Variants in ZNF628 observed in about 807,000 individuals in gnomAD.
ZNF628 encodes the protein zinc finger protein 628.
ZNF628 carries 3 observed loss-of-function variants against 2.5 expected under a neutral mutation model. That is an observed-to-expected ratio of 1.19 (90% CI 0.54 to 3.07). The LOEUF is 3.07. Ranked by LOEUF, ZNF628 falls within the 30% of genes most tolerant of loss-of-function variation. The pLI, the probability that ZNF628 is intolerant of heterozygous loss-of-function variation, is 0.03. For synonymous variants in ZNF628, 861 were observed against 717.1 expected (o/e 1.20, Z -3.21); for missense variants, 1,610 against 1,517.1 (o/e 1.06, Z -1.02).
chr19:55,480,010 GA>G, intron 2 of ZNF628, 93 bp downstream of exon 2: 1 of 398,460 alleles, frequency 2.5e-6, no homozygotes, highest in East Asian at 3.6e-5. Flanking sequence ...GGCTTGAAGG[GA>G]AAGTGAGACT....
At position 55,483,504 on chromosome 19, in the gene ZNF628, G is replaced by A. The variant is rs1986810298; in HGVS notation, c.2311G>A (p.Ala771Thr). Residue 771 changes from alanine (A) to threonine (T), a missense_variant, in exon 3 of 3, where the codon GCG (alanine) becomes ACG (threonine). Transcript: ENST00000598519. ...GGCAGTGGGGAAAGCGGGCCAGGGG[G>A]CGGGAGTGGTCTGGCTGCCAGGCCC... ...PRAVGKAGQG[A>T]GVVWLPGPGG... The A allele has an allele frequency of 4.5e-6, 7 of 1,551,922 alleles. No homozygotes were observed. Among genetic ancestry groups the A allele is most frequent in the Non-Finnish European group, 6.1e-6 (7 of 1,149,576 alleles).
chr19:55,481,989 C>G lies in ZNF628; in HGVS notation c.796C>G (p.Pro266Ala), dbSNP rs1460328518. ...GCGGCACCTCCAGCCCCACAGCCCG[C>G]CCGCGCCTCCCGCCCCGCCGCCCCC... ...LQRHLQPHSP[P>A]APPAPPPPPP... is the part of the protein sequence containing the mutation. Residue 266 changes from proline to alanine, a missense_variant, in exon 3 of 3, where the codon CCC (proline) becomes GCC (alanine). Physicochemically the swap from Pro to Ala is conservative, Grantham distance 27. This residue lies in a region of ZNF628 where 651 missense variants were observed against 575.6 expected (regional missense o/e 1.13). Transcript: ENST00000598519. 5 of 1,460,920 alleles carry G rather than the reference C, an allele frequency of 3.4e-6. No individual in the cohort carries two copies. The highest frequency in any genetic ancestry group is 4.5e-6 in the Non-Finnish European group (5 of 1,112,368). 90.5% of individuals were successfully genotyped at this position (1,460,920 alleles called of 1,614,324 possible). A position where few individuals can be genotyped will look rare whatever the true frequency, so the allele number is the denominator to read the frequency against.
chr19:55,481,057 G>T, intron 2 of ZNF628, 144 bp from the exon 3 acceptor site: 2 of 1,114,776 alleles, frequency 1.8e-6, no homozygotes, highest in Non-Finnish European at 2.5e-6. Flanking sequence ...TGGGACCATT[G>T]GAGACCCTCA....
Position 55,482,378 on chromosome 19 carries a change from C to G in ZNF628, c.1185C>G (p.Phe395Leu). Residue 395 changes from phenylalanine (F) to leucine (L), a missense_variant, in exon 3 of 3, where the codon TTC (phenylalanine) becomes TTG (leucine). Physicochemically the swap from Phe to Leu is conservative, Grantham distance 22. Transcript: ENST00000598519. ...GCTGCGGCAGCTGCGACGGCTCCTT[C>G]CCGCAGCTGGCCAGCCTCCTGGCGC... ...AFRCGSCDGS[F>L]PQLASLLAHQ... 7.0e-7 allele frequency: 1 copy of G among 1,426,766 alleles called. No homozygotes were observed. The highest frequency in any genetic ancestry group is 9.1e-7 in the Non-Finnish European group (1 of 1,093,512). 88.4% of individuals were successfully genotyped at this position (1,426,766 alleles called of 1,614,324 possible).
chr19:55,480,700 C>A (rs909142618), intron 2 of ZNF628, among the ~76,000 whole-genome samples: 1 of 152,328 alleles, frequency 6.6e-6, no homozygotes, highest in South Asian at 2.1e-4. Flanking sequence ...GGATTACAGG[C>A]GTGAGCCACA....
intron 2 of ZNF628, among the ~76,000 whole-genome samples, chr19:55,480,776 T>C (rs1599898014): frequency 6.6e-6 from 1 of 151,360 alleles, no homozygotes; most frequent in Non-Finnish European, 1.5e-5. Context: ...GTGGGAGGAG[T>C]GTTGAGGCCG....
At chr19:55,480,788 G>A (rs1329785932) in intron 2 of ZNF628, among the ~76,000 whole-genome samples, 5 of 152,250 alleles carry the variant, frequency 3.3e-5, no homozygotes, top group African/African-American at 1.2e-4. Context: ...TTGAGGCCGA[G>A]ATGGAGGATA....
rs745632371 is a variant in ZNF628 at position 55,481,234 on chromosome 19, C to T, written c.41C>T (p.Pro14Leu). The T allele has an allele frequency of 3.8e-6, 6 of 1,572,896 alleles. No individual in the cohort carries two copies. The Admixed American group carries it at 1.1e-4, about 29-fold the overall frequency. Residue 14 changes from proline (P) to leucine (L), a missense_variant, in exon 3 of 3, where the codon CCG becomes CTG. Physicochemically the swap from Pro to Leu is moderately conservative, Grantham distance 98. This residue lies in a region of ZNF628 where 60 missense variants were observed against 46.8 expected (regional missense o/e 1.28). Transcript: ENST00000598519. ...VMVGSHADMA[P>L]ASTAEGAGEK... ...GTCGGCTCCCACGCGGACATGGCGC[C>T]GGCCTCTACTGCGGAGGGGGCCGGG... is the stretch of plus-strand genomic sequence containing the variant.
In ZNF628 at chr19:55,479,873, G is replaced by C. The variant is rs947506363; in HGVS notation, c.-38G>C. 1.7e-5 allele frequency: 7 copies of C among 401,244 alleles called. No homozygotes were observed. Among genetic ancestry groups the C allele is most frequent in the Non-Finnish European group, 3.1e-5 (7 of 227,378 alleles). 24.9% of individuals were successfully genotyped at this position (401,244 alleles called of 1,614,324 possible). A position where few individuals can be genotyped will look rare whatever the true frequency, so the allele number is the denominator to read the frequency against. ...ACAGGGTTGCCTGCCAAGAACAGGA[G>C]GGGAGAGGAGGGGCTGGAGGTTTCA... On this transcript the variant is annotated 5_prime_UTR_variant, in exon 2 of 3. Coordinates refer to ENST00000598519, the MANE Select transcript of ZNF628 (RefSeq NM_033113.3). This position sits in a 1 kb window ranked among gnomAD's most constrained non-coding sequence, Gnocchi z 5.1.
At chr19:55,477,543 C>T (rs150314398) in intron 1 of ZNF628, among the ~76,000 whole-genome samples, 4 of 152,110 alleles carry the variant, frequency 2.6e-5, no homozygotes, top group African/African-American at 9.7e-5. Flanking sequence ...GGGCGGATCA[C>T]TTGAGGCCAG....
chr19:55,478,246 T>G (rs1278171910), intron 1 of ZNF628, among the ~76,000 whole-genome samples: 1 of 152,002 alleles, frequency 6.6e-6, no homozygotes, highest in Non-Finnish European at 1.5e-5. Context: ...AAGGTGATAA[T>G]TGCTGCGGGG....
At chr19:55,478,251 G>T (rs1599896381) in intron 1 of ZNF628, among the ~76,000 whole-genome samples, 1 of 152,206 alleles carries the variant, frequency 6.6e-6, no homozygotes, top group Non-Finnish European at 1.5e-5. Flanking sequence ...GATAATTGCT[G>T]CGGGGGAAAA....
In ZNF628 at chr19:55,484,298, T is replaced by C. The variant is rs1440830806; in HGVS notation, c.3105T>C (p.Val1035=). Residue 1035 remains valine (V), a synonymous_variant, in exon 3 of 3, where the codon GTT becomes GTC. Transcript: ENST00000598519. ...TCCCCGCAGGAGCTGGGCCTGGTGT[T>C]ATGACCCCTCAGGGCCTGCCCTCCA... ...QVVPAGAGPG[V]MTPQGLPSIQ... 3 of 1,525,670 alleles carry C rather than the reference T, an allele frequency of 2.0e-6. No individual in the cohort carries two copies. Among genetic ancestry groups the C allele is most frequent in the Non-Finnish European group, 2.6e-6 (3 of 1,135,074 alleles). 94.5% of individuals were successfully genotyped at this position (1,525,670 alleles called of 1,614,324 possible). A position where few individuals can be genotyped will look rare whatever the true frequency, so the allele number is the denominator to read the frequency against.
chr19:55,480,687 C>G (rs1986676430), intron 2 of ZNF628, among the ~76,000 whole-genome samples: 1 of 152,236 alleles, frequency 6.6e-6, no homozygotes, highest in South Asian at 2.1e-4. Context: ...TCTCAAAGTG[C>G]TGGGATTACA....
Position 55,484,021 on chromosome 19 carries a change from A to G in ZNF628, c.2828A>G (p.Asp943Gly). Residue 943 changes from aspartate to glycine, a missense_variant, in exon 3 of 3, where the codon GAT (aspartate) becomes GGT (glycine). By Grantham distance (94) the Asp-to-Gly change is moderately conservative. Transcript: ENST00000598519. ...AGCGTGCTGGTGCTGAGCGGGGCCG[A>G]TGGCGAACAGACTCGACTCTGCGTA... ...LQSVLVLSGADGEQTRLCVQE... is the reference protein window; with the variant it reads ...LQSVLVLSGAGGEQTRLCVQE... The G allele has an allele frequency of 6.3e-7, 1 of 1,595,280 alleles. No individual in the cohort carries two copies. Among genetic ancestry groups the G allele is most frequent in the Non-Finnish European group, 8.5e-7 (1 of 1,170,678 alleles).
At chr19:55,480,032 A>G (rs1012558872) in intron 2 of ZNF628, 115 bp downstream of exon 2, 18 of 397,038 alleles carry the variant, frequency 4.5e-5, no homozygotes, top group Non-Finnish European at 7.6e-5. Flanking sequence ...GAGGCCAGGC[A>G]AGGGGGTGCC....
intron 1 of ZNF628, among the ~76,000 whole-genome samples, chr19:55,478,141 G>C (rs1202076763): frequency 1.3e-5 from 2 of 152,174 alleles, no homozygotes; most frequent in Non-Finnish European, 2.9e-5. Context: ...CAGGGCTGCT[G>C]CTCGACACCC....
chr19:55,480,327 C>T (rs1300801709), intron 2 of ZNF628, among the ~76,000 whole-genome samples: 1 of 148,584 alleles, frequency 6.7e-6, no homozygotes, highest in Non-Finnish European at 1.5e-5. Context: ...CTTACTGCAA[C>T]CTCCACCTCC....
In ZNF628 at chr19:55,482,278, G is replaced by T; in HGVS notation, c.1085G>T (p.Gly362Val). 6.8e-7 allele frequency: 1 copy of T among 1,471,700 alleles called. No individual in the cohort carries two copies. The highest frequency in any genetic ancestry group is 1.5e-5 in the African/African-American group (1 of 67,538). The allele number at this position is 1,471,700 out of a possible 1,614,324, so 91.2% of individuals were successfully genotyped here. A position where few individuals can be genotyped will look rare whatever the true frequency, so the allele number is the denominator to read the frequency against. ...PAPGFACLPCGKSFRTVAGLS... is the reference protein window; with the variant it reads ...PAPGFACLPCVKSFRTVAGLS... ...CCTGGCTTTGCCTGTCTGCCCTGCG[G>T]CAAGTCCTTCCGGACGGTGGCTGGG... Residue 362 changes from glycine to valine, a missense_variant, in exon 3 of 3, where the codon GGC becomes GTC. Physicochemically the swap from Gly to Val is moderately radical, Grantham distance 109. Coordinates refer to ENST00000598519, the MANE Select transcript of ZNF628 (RefSeq NM_033113.3).
Sources: allele counts gnomAD v4.1 joint callset (sites outside exome capture counted in the v4.1 genomes callset), GRCh38; gene constraint gnomAD v4.1.1; regional missense constraint gnomAD v4.1.1; non-coding constraint Gnocchi (gnomAD v3.1); transcripts MANE v1.5; gene names NCBI Gene and HGNC (gene_info 2026-07-23, HGNC 2026-07-21).